Variants in C22orf39 observed in about 807,000 individuals in gnomAD.
C22orf39 encodes chromosome 22 open reading frame 39.
Under a neutral mutation model 18.3 loss-of-function variants are expected in C22orf39, and 20 were observed. The observed-to-expected ratio is 1.09, with a 90% CI of 0.77 to 1.59. C22orf39 has a LOEUF of 1.59. C22orf39 is among the 40% of genes most tolerant of loss of function. C22orf39 has a pLI of 0.00. For missense variants in C22orf39, 195 were observed against 156.1 expected, an observed-to-expected ratio of 1.25 and a Z score of -1.33; for synonymous variants, 63 against 59.6, an observed-to-expected ratio of 1.06 and a Z score of -0.26.
Position 19,441,938 on chromosome 22 carries a change from A to C in C22orf39, c.*2327T>G. The C allele has an allele frequency of 6.7e-6, 3 of 449,700 alleles. No individual in the cohort carries two copies. The highest frequency in any genetic ancestry group is 4.2e-5 in the East Asian group (1 of 23,786). 27.9% of individuals were successfully genotyped at this position (449,700 alleles called of 1,614,324 possible). A position where few individuals can be genotyped will look rare whatever the true frequency, so the allele number is the denominator to read the frequency against. On this transcript the variant is annotated 3_prime_UTR_variant, in exon 3 of 3. Coordinates refer to ENST00000399562, the MANE Select transcript of C22orf39 (RefSeq NM_173793.5). ...GCCTCCGAAGTAGCTGGAACTACAA[A>C]TGCACGCCACCATGCATAGCTCATT...
Position 19,443,259 on chromosome 22 carries a change from A to C in C22orf39, c.*1006T>G. The C allele has an allele frequency of 1.0e-6, 1 of 985,530 alleles. No homozygotes were observed. The highest frequency in any genetic ancestry group is 1.2e-6 in the Non-Finnish European group (1 of 829,958). 61.0% of individuals were successfully genotyped at this position (985,530 alleles called of 1,614,324 possible). A position where few individuals can be genotyped will look rare whatever the true frequency, so the allele number is the denominator to read the frequency against. Reference sequence around the variant, plus strand: ...TGCTGCCTGTGTCCAGGAAGAGAGCAGGGAGGGTGCTGGGCACAGACCCAG... The same window carrying C: ...TGCTGCCTGTGTCCAGGAAGAGAGCCGGGAGGGTGCTGGGCACAGACCCAG... On this transcript the variant is annotated 3_prime_UTR_variant, in exon 3 of 3. Coordinates refer to ENST00000399562, the MANE Select transcript of C22orf39 (RefSeq NM_173793.5).
chr22:19,441,420 ATTGTT>A lies in C22orf39; in HGVS notation c.*2840_*2844del. ...TATATCACATACAGTACGGATACAT[ATTGTT>A]TTGTATTTCAACAATAATATGCTAT... On this transcript the variant is annotated 3_prime_UTR_variant, in exon 3 of 3. Coordinates refer to ENST00000399562, the MANE Select transcript of C22orf39 (RefSeq NM_173793.5). 1.9e-6 allele frequency: 1 copy of A among 520,834 alleles called. No homozygotes were observed. Among genetic ancestry groups the A allele is most frequent in the Non-Finnish European group, 3.4e-6 (1 of 296,044 alleles). 32.3% of individuals were successfully genotyped at this position (520,834 alleles called of 1,614,324 possible). A position where few individuals can be genotyped will look rare whatever the true frequency, so the allele number is the denominator to read the frequency against.
At chr22:19,446,636 C>T (rs150953415) in intron 2 of C22orf39, among the ~76,000 whole-genome samples, 4 of 152,344 alleles carry the variant, frequency 2.6e-5, no homozygotes, top group Non-Finnish European at 5.9e-5. Flanking sequence ...CACCTCCTTA[C>T]CGGTCTCTCT....
In C22orf39 at chr22:19,443,091, A is replaced by ACCCC; in HGVS notation, c.*1170_*1173dup. 1.4e-5 allele frequency: 2 copies of ACCCC among 138,606 alleles called. No individual in the cohort carries two copies. The highest frequency in any genetic ancestry group is 2.0e-5 in the Non-Finnish European group (2 of 98,144). 8.6% of individuals were successfully genotyped at this position (138,606 alleles called of 1,614,324 possible). On this transcript the variant is annotated 3_prime_UTR_variant, in exon 3 of 3. Transcript: ENST00000399562. ...TCCCGTGAGCACAACCCCCACCCCC[A>ACCCC]CCCCCACTGTTCACAGACACAGGGG... is the stretch of plus-strand genomic sequence containing the variant.
intron 2 of C22orf39, among the ~76,000 whole-genome samples, chr22:19,445,593 A>G (rs2089635208): frequency 6.6e-6 from 1 of 152,226 alleles, no homozygotes; most frequent in African/African-American, 2.4e-5. Flanking sequence ...ACAACTACCC[A>G]GAATTCTTCA....
In C22orf39 at chr22:19,441,983, G is replaced by C. The variant is rs562103484; in HGVS notation, c.*2282C>G. Reference sequence around the variant, plus strand: ...CTCATTTATTTTTTGTAGAGATGGGGTCTTGTTACGTTGCCCAGGCTGGTC... The same window carrying C: ...CTCATTTATTTTTTGTAGAGATGGGCTCTTGTTACGTTGCCCAGGCTGGTC... On this transcript the variant is annotated 3_prime_UTR_variant, in exon 3 of 3. Transcript: ENST00000399562. 38 of 279,304 alleles carry C rather than the reference G, an allele frequency of 1.4e-4. 1 individual carries two copies. The highest frequency in any genetic ancestry group is 7.8e-4 in the African/African-American group (35 of 45,078). The allele number at this position is 279,304 out of a possible 1,614,324, so 17.3% of individuals were successfully genotyped here.
chr22:19,441,855 C>A lies in C22orf39; in HGVS notation c.*2410G>T. 1 of 879,330 alleles carries A rather than the reference C, an allele frequency of 1.1e-6. No homozygotes were observed. Among genetic ancestry groups the A allele is most frequent in the Admixed American group, 3.1e-5 (1 of 32,442 alleles). 54.5% of individuals were successfully genotyped at this position (879,330 alleles called of 1,614,324 possible). ...TCACCCAGGTTGAAGTGCAGTGGGG[C>A]ACAATCATGGCTCACTGCAGCCTCA... On this transcript the variant is annotated 3_prime_UTR_variant, in exon 3 of 3. Transcript: ENST00000399562.
intron 2 of C22orf39, 61 bp from the exon 3 acceptor site, chr22:19,444,451 TC>T: frequency 2.0e-6 from 3 of 1,528,878 alleles, no homozygotes; most frequent in South Asian, 1.2e-5. Context: ...CCCCTGTACC[TC>T]CCCCCTCTCA....
Position 19,443,748 on chromosome 22 carries a change from C to G in C22orf39, c.*517G>C. On this transcript the variant is annotated 3_prime_UTR_variant, in exon 3 of 3. Coordinates refer to ENST00000399562, the MANE Select transcript of C22orf39 (RefSeq NM_173793.5). ...CAGCAAGCCCTACCTGCTCGGCACACCTGCCTGCATGTGCAGTGGAACTGA... is the reference window on the plus strand; with the variant it reads ...CAGCAAGCCCTACCTGCTCGGCACAGCTGCCTGCATGTGCAGTGGAACTGA... 1.0e-6 allele frequency: 1 copy of G among 984,932 alleles called. No individual in the cohort carries two copies. Among genetic ancestry groups the G allele is most frequent in the African/African-American group, 1.7e-5 (1 of 57,204 alleles). 61.0% of individuals were successfully genotyped at this position (984,932 alleles called of 1,614,324 possible). A position where few individuals can be genotyped will look rare whatever the true frequency, so the allele number is the denominator to read the frequency against.
At position 19,447,378 on chromosome 22, in the gene C22orf39, C is replaced by T; in HGVS notation, c.192G>A (p.Gln64=). The T allele has an allele frequency of 6.7e-7, 1 of 1,495,592 alleles. No individual in the cohort carries two copies. Among genetic ancestry groups the T allele is most frequent in the South Asian group, 1.3e-5 (1 of 79,924 alleles). 92.6% of individuals were successfully genotyped at this position (1,495,592 alleles called of 1,614,324 possible). ...DWEERRNAEA[Q]QSLCESERAR... ...GCCGCCCCGCTCCCTCCCGGCGCAC[C>T]TGGGCCTCGGCGTTCCGGCGCTCCT... is the stretch of plus-strand genomic sequence containing the variant. Residue 64 remains glutamine (Q), a splice_region_variant and synonymous_variant, in exon 2 of 3, where the codon CAG becomes CAA. Transcript: ENST00000399562.
In C22orf39 at chr22:19,441,872, G is replaced by A. The variant is rs2089614813; in HGVS notation, c.*2393C>T. ...CAGTGGGGCACAATCATGGCTCACTGCAGCCTCAAACTCCTGGGCTCAAAC... is the reference window on the plus strand; with the variant it reads ...CAGTGGGGCACAATCATGGCTCACTACAGCCTCAAACTCCTGGGCTCAAAC... On this transcript the variant is annotated 3_prime_UTR_variant, in exon 3 of 3. Coordinates refer to ENST00000399562, the MANE Select transcript of C22orf39 (RefSeq NM_173793.5). 7 of 717,628 alleles carry A rather than the reference G, an allele frequency of 9.8e-6. No homozygotes were observed. Among genetic ancestry groups the A allele is most frequent in the Non-Finnish European group, 1.5e-5 (7 of 460,248 alleles). The allele number at this position is 717,628 out of a possible 1,614,324, so 44.5% of individuals were successfully genotyped here.
Position 19,443,461 on chromosome 22 carries a change from A to T in C22orf39, c.*804T>A. The T allele has an allele frequency of 1.0e-6, 1 of 985,830 alleles. No individual in the cohort carries two copies. Among genetic ancestry groups the T allele is most frequent in the Non-Finnish European group, 1.2e-6 (1 of 829,914 alleles). 61.1% of individuals were successfully genotyped at this position (985,830 alleles called of 1,614,324 possible). On this transcript the variant is annotated 3_prime_UTR_variant, in exon 3 of 3. Transcript: ENST00000399562. The stretch of plus-strand genomic sequence containing the variant: ...TCCAGGTACAACACTGTTACACACA[A>T]AATCTAACAAGTGTGAACTTAATTT...
chr22:19,444,204 T>G lies in C22orf39; in HGVS notation c.*61A>C. The stretch of plus-strand genomic sequence containing the variant: ...GTAGGCTGGTCACAGTCCCCAGGGC[T>G]GTGCAACAGCAACTTGAAACAGACT... On this transcript the variant is annotated 3_prime_UTR_variant, in exon 3 of 3. Coordinates refer to ENST00000399562, the MANE Select transcript of C22orf39 (RefSeq NM_173793.5). 1 of 1,504,098 alleles carries G rather than the reference T, an allele frequency of 6.6e-7. No individual in the cohort carries two copies. Among genetic ancestry groups the G allele is most frequent in the African/African-American group, 1.4e-5 (1 of 70,544 alleles). 93.2% of individuals were successfully genotyped at this position (1,504,098 alleles called of 1,614,324 possible). A position where few individuals can be genotyped will look rare whatever the true frequency, so the allele number is the denominator to read the frequency against.
Position 19,447,562 on chromosome 22 carries a change from C to A in C22orf39, c.25-17G>T. 7.1e-7 allele frequency: 1 copy of A among 1,410,886 alleles called. No individual in the cohort carries two copies. Among genetic ancestry groups the A allele is most frequent in the Admixed American group, 3.4e-5 (1 of 29,200 alleles). 87.4% of individuals were successfully genotyped at this position (1,410,886 alleles called of 1,614,324 possible). A position where few individuals can be genotyped will look rare whatever the true frequency, so the allele number is the denominator to read the frequency against. On this transcript the variant is annotated splice_polypyrimidine_tract_variant and intron_variant, in intron 1 of 2. Coordinates refer to ENST00000399562, the MANE Select transcript of C22orf39 (RefSeq NM_173793.5). The stretch of plus-strand genomic sequence containing the variant: ...GCGCGGCGGCTGCGGCGAGAGGCGG[C>A]GCCTGAGCGGGGCCCGGCGGCCGCG...
chr22:19,444,455 C>A (rs1042606950), intron 2 of C22orf39, 65 bp from the exon 3 acceptor site: 12 of 1,524,064 alleles, frequency 7.9e-6, no homozygotes, highest in Non-Finnish European at 1.1e-5. Flanking sequence ...TGTACCTCCC[C>A]CCTCTCATCA....
intron 1 of C22orf39, 31 bp downstream of exon 1, chr22:19,447,634 G>C (rs756419776): frequency 1.9e-6 from 3 of 1,606,886 alleles, no homozygotes; most frequent in Non-Finnish European, 2.5e-6. Context: ...GAAGACCCCG[G>C]TGGTTCCCGG....
intron 2 of C22orf39, among the ~76,000 whole-genome samples, chr22:19,445,419 C>T (rs1443673816): frequency 1.3e-5 from 2 of 152,176 alleles, no homozygotes; most frequent in African/African-American, 2.4e-5. Flanking sequence ...AGGTTGTTTT[C>T]AGCTTTTGCA....
Position 19,447,699 on chromosome 22 carries a change from C to G in C22orf39, c.-11G>C. 1.2e-6 allele frequency: 2 copies of G among 1,608,304 alleles called. No homozygotes were observed. The highest frequency in any genetic ancestry group is 1.7e-6 in the Non-Finnish European group (2 of 1,177,974). Reference sequence around the variant, plus strand: ...GCTGCCGTCCGCCATGTCTGGGCGACCGGCGCGCCAAGCCCGCCCCTCAGT... The same window carrying G: ...GCTGCCGTCCGCCATGTCTGGGCGAGCGGCGCGCCAAGCCCGCCCCTCAGT... On this transcript the variant is annotated 5_prime_UTR_variant, in exon 1 of 3. Transcript: ENST00000399562.
Position 19,447,463 on chromosome 22 carries a change from T to C in C22orf39, c.107A>G (p.His36Arg). 2.0e-6 allele frequency: 3 copies of C among 1,518,464 alleles called. No homozygotes were observed. Among genetic ancestry groups the C allele is most frequent in the East Asian group, 5.3e-5 (2 of 37,952 alleles). The allele number at this position is 1,518,464 out of a possible 1,614,324, so 94.1% of individuals were successfully genotyped here. A position where few individuals can be genotyped will look rare whatever the true frequency, so the allele number is the denominator to read the frequency against. Residue 36 changes from histidine (H) to arginine (R), a missense_variant, in exon 2 of 3, where the codon CAC (histidine) becomes CGC (arginine). Physicochemically the swap from His to Arg is conservative, Grantham distance 29. Coordinates refer to ENST00000399562, the MANE Select transcript of C22orf39 (RefSeq NM_173793.5). ...ARHFLHHYYV[H>R]GERPACEQWQ... ...CTGTTCGCAGGCCGGCCGCTCGCCGTGGACGTAGTAGTGGTGTAGGAAGTG... is the reference window on the plus strand; with the variant it reads ...CTGTTCGCAGGCCGGCCGCTCGCCGCGGACGTAGTAGTGGTGTAGGAAGTG...
Sources: allele counts gnomAD v4.1 joint callset (sites outside exome capture counted in the v4.1 genomes callset), GRCh38; gene constraint gnomAD v4.1.1; transcripts MANE v1.5; gene names NCBI Gene and HGNC (gene_info 2026-07-23, HGNC 2026-07-21).